The following MUC12 variants were observed in gnomAD, a reference collection of about 807,000 sequenced individuals.
The protein encoded by MUC12 is mucin 12, cell surface associated.
A neutral mutation model predicts 230.8 loss-of-function variants in MUC12; 172 were observed. The ratio of observed to expected loss-of-function variants is 0.75; its 90% CI spans 0.66 to 0.85. The LOEUF (loss-of-function observed/expected upper bound fraction) is 0.85. Among genes scored for constraint, MUC12 ranks in the 40% least tolerant of loss-of-function variants. MUC12 has a pLI of 0.00. For synonymous variants in MUC12, 1,259 were observed against 2,401.9 expected, an observed-to-expected ratio of 0.52 and a Z score of 13.91; for missense variants, 3,506 against 5,920.6, an observed-to-expected ratio of 0.59 and a Z score of 13.38.
Position 101,012,903 on chromosome 7 carries a change from G to A in MUC12, c.15475+13G>A, listed in dbSNP as rs1793858919. ...TTTGACTTCCAGGGTAAGCGACTACGTGGAGCGTGGGCACTAAGAGTGGGG... is the reference window on the plus strand; with the variant it reads ...TTTGACTTCCAGGGTAAGCGACTACATGGAGCGTGGGCACTAAGAGTGGGG... On this transcript the variant is annotated intron_variant, in intron 7 of 11. Coordinates refer to ENST00000536621, the MANE Select transcript of MUC12 (RefSeq NM_001164462.2). 3.9e-6 allele frequency: 6 copies of A among 1,537,140 alleles called. No homozygotes were observed. Among genetic ancestry groups the A allele is most frequent in the African/African-American group, 1.4e-5 (1 of 73,042 alleles).
At chr7:101,008,344 T>G (rs1793788973) in intron 3 of MUC12, among the ~76,000 whole-genome samples, 1 of 151,420 alleles carries the variant, frequency 6.6e-6, no homozygotes, top group Non-Finnish European at 1.5e-5. Context: ...CAGGTAGGTC[T>G]TCCCATCTCC....
chr7:101,011,072 G>T (rs1793835219), intron 5 of MUC12, among the ~76,000 whole-genome samples: 1 of 152,132 alleles, frequency 6.6e-6, no homozygotes, highest in African/African-American at 2.4e-5. Flanking sequence ...CAAAACGAGG[G>T]TGTCCCAGGA....
chr7:101,015,793 T>A, intron 10 of MUC12, 102 bp downstream of exon 10: 3 of 1,049,740 alleles, frequency 2.9e-6, no homozygotes, highest in Non-Finnish European at 4.2e-6. Flanking sequence ...AGCCCCCCTT[T>A]GGGGTGGCTG....
At chr7:101,011,945 A>G (rs1411569961) in intron 5 of MUC12, among the ~76,000 whole-genome samples, 1 of 152,160 alleles carries the variant, frequency 6.6e-6, no homozygotes, top group Non-Finnish European at 1.5e-5. Context: ...TCTATTTTAA[A>G]TTTTTTGAGG....
At chr7:101,007,725 T>A (rs1389727577) in intron 3 of MUC12, among the ~76,000 whole-genome samples, 1 of 152,230 alleles carries the variant, frequency 6.6e-6, no homozygotes, top group African/African-American at 2.4e-5. Flanking sequence ...CAGAGATCTC[T>A]TCAATGTACT....
chr7:101,006,089 C>T (rs1456757950), intron 2 of MUC12, among the ~76,000 whole-genome samples: 3 of 152,224 alleles, frequency 2.0e-5, no homozygotes, highest in South Asian at 2.1e-4. Context: ...TGAGCCACCG[C>T]GCCGGGCCTC....
chr7:100,984,221 G>A (rs1025110953), intron 1 of MUC12, among the ~76,000 whole-genome samples: 4 of 151,756 alleles, frequency 2.6e-5, no homozygotes, highest in Admixed American at 2.0e-4. Flanking sequence ...ACTGATCTCT[G>A]TGAGGTGAGA....
chr7:101,017,315 G>T, intron 10 of MUC12: 1 of 441,962 alleles, frequency 2.3e-6, no homozygotes, highest in Non-Finnish European at 4.1e-6. Context: ...ACGCTCCTCC[G>T]TGGCCCCCGC....
chr7:101,004,457 A>C lies in MUC12; in HGVS notation c.13894A>C (p.Thr4632Pro). The change falls in exon 2 of 12, where the codon ACT (threonine) becomes CCT (proline). Residue 4632 changes from threonine to proline, a missense_variant. Transcript: ENST00000536621. The part of the protein sequence containing the change: ...TASGRSEESR[T>P]SHSSTTHTIS... Reference sequence around the variant, plus strand: ...TTCAGGTCGTAGTGAAGAATCAAGAACTTCCCACAGCAGCACAACACACAC... The same window carrying C: ...TTCAGGTCGTAGTGAAGAATCAAGACCTTCCCACAGCAGCACAACACACAC... 6.6e-7 allele frequency: 1 copy of C among 1,526,578 alleles called. No homozygotes were observed. The highest frequency in any genetic ancestry group is 8.7e-7 in the Non-Finnish European group (1 of 1,143,952). The allele number at this position is 1,526,578 out of a possible 1,614,324, so 94.6% of individuals were successfully genotyped here.
chr7:100,973,536 T>G (rs911238429), intron 1 of MUC12, among the ~76,000 whole-genome samples: 2 of 152,192 alleles, frequency 1.3e-5, no homozygotes, highest in African/African-American at 4.8e-5. Context: ...CTGTGAGAAA[T>G]AAATCTATTT....
intron 2 of MUC12, 76 bp from the exon 3 acceptor site, chr7:101,006,395 T>A (rs1793751411): frequency 1.0e-6 from 1 of 958,710 alleles, no homozygotes; most frequent in South Asian, 1.4e-5. Flanking sequence ...GCTGAGTGAC[T>A]GGACCTGGAA....
rs781647898 is a variant in MUC12 at position 100,990,679 on chromosome 7, C to T, written c.116C>T (p.Thr39Ile). 15 of 1,537,762 alleles carry T rather than the reference C, an allele frequency of 9.8e-6. No homozygotes were observed. In the South Asian group the frequency reaches 1.3e-4, roughly 13 times the overall value. Reference protein sequence around the residue: ...SIGGNTTSASTPSSSDPFTTF... With the variant: ...SIGGNTTSASIPSSSDPFTTF... Reference sequence around the variant, plus strand: ...GGAGGTAATACAACTTCTGCATCCACACCCAGTTCAAGCGACCCTTTTACC... The same window carrying T: ...GGAGGTAATACAACTTCTGCATCCATACCCAGTTCAAGCGACCCTTTTACC... Residue 39 changes from threonine to isoleucine, a missense_variant, in exon 2 of 12, where the codon ACA becomes ATA. Coordinates refer to ENST00000536621, the MANE Select transcript of MUC12 (RefSeq NM_001164462.2).
At chr7:100,983,927 C>T (rs772323418) in intron 1 of MUC12, among the ~76,000 whole-genome samples, 8 of 152,298 alleles carry the variant, frequency 5.3e-5, no homozygotes, top group Non-Finnish European at 1.0e-4. Context: ...TCAAGTATCA[C>T]CTCCTCCTGG....
In MUC12 at chr7:101,013,143, G is replaced by T; in HGVS notation, c.15638+1G>T. 6.5e-7 allele frequency: 1 copy of T among 1,537,244 alleles called. No homozygotes were observed. The highest frequency in any genetic ancestry group is 8.7e-7 in the Non-Finnish European group (1 of 1,146,888). ...TGCAACGCAGTGGCCCCCGCTGCCT[G>T]TGAGTGTCCCCATAAGCCCAGCACC... On this transcript the variant is annotated splice_donor_variant, in intron 8 of 11. Coordinates refer to ENST00000536621, the MANE Select transcript of MUC12 (RefSeq NM_001164462.2). LOFTEE classifies it high-confidence loss of function.
intron 1 of MUC12, among the ~76,000 whole-genome samples, chr7:100,970,994 C>CAAA (rs199863312): frequency 1.3e-4 from 17 of 128,474 alleles, no homozygotes; most frequent in East Asian, 1.1e-3. Flanking sequence ...GACTCCGTCT[C>CAAA]AAAAAAAAAA....
chr7:100,972,263 T>C (rs1453484592), intron 1 of MUC12: 1 of 700,724 alleles, frequency 1.4e-6, no homozygotes, highest in Non-Finnish European at 2.6e-6. Flanking sequence ...ACACAGCAAA[T>C]AATGAACACG....
Position 100,991,910 on chromosome 7 carries a change from AAC to A in MUC12, c.1349_1350del (p.Thr450SerfsTer41). 6.5e-7 allele frequency: 1 copy of A among 1,537,038 alleles called. No individual in the cohort carries two copies. The highest frequency in any genetic ancestry group is 8.7e-7 in the Non-Finnish European group (1 of 1,146,842). On this transcript the variant is annotated frameshift_variant, in exon 2 of 12. Transcript: ENST00000536621. LOFTEE classifies it high-confidence loss of function. ...ACAGCAGCCCAGATGCAATGGCAAC[AAC>A]AGTCTTACCTGCCGGCTCTACACCC... The part of the protein sequence containing the change: ...SHSSPDAMAT[T>X]VLPAGSTPSV...
intron 1 of MUC12, among the ~76,000 whole-genome samples, chr7:100,975,718 G>A (rs933860584): frequency 6.6e-6 from 1 of 152,306 alleles, no homozygotes; most frequent in African/African-American, 2.4e-5. Flanking sequence ...CAGCATTTGA[G>A]TTTGGTGGTA....
At position 101,005,363 on chromosome 7, in the gene MUC12, A is replaced by G. The variant is rs1057079787; in HGVS notation, c.14800A>G (p.Thr4934Ala). 8 of 1,537,784 alleles carry G rather than the reference A, an allele frequency of 5.2e-6. No homozygotes were observed. In the African/African-American group the frequency reaches 1.1e-4, roughly 21 times the overall value. ...AGCCTCAGACCTTGTTGGAGAACCTACAACTTTCTACATCAGCCCATCCCC... is the reference window on the plus strand; with the variant it reads ...AGCCTCAGACCTTGTTGGAGAACCTGCAACTTTCTACATCAGCCCATCCCC... ...STASDLVGEP[T>A]TFYISPSPTY... Residue 4934 changes from threonine to alanine, a missense_variant, in exon 2 of 12, where the codon ACA (threonine) becomes GCA (alanine). Coordinates refer to ENST00000536621, the MANE Select transcript of MUC12 (RefSeq NM_001164462.2).
Sources: allele counts gnomAD v4.1 joint callset (sites outside exome capture counted in the v4.1 genomes callset), GRCh38; gene constraint gnomAD v4.1.1; transcripts MANE v1.5; gene names NCBI Gene and HGNC (gene_info 2026-07-23, HGNC 2026-07-21).